Variants in ESPL1 observed in about 807,000 individuals in gnomAD.
ESPL1 encodes extra spindle pole bodies like 1, separase.
Under a neutral mutation model 217.2 loss-of-function variants are expected in ESPL1, and 50 were observed. The observed-to-expected ratio is 0.23, with a 90% confidence interval of 0.18 to 0.29. The LOEUF (loss-of-function observed/expected upper bound fraction) is 0.29. Ranked by LOEUF, ESPL1 falls within the 10% of genes least tolerant of loss-of-function variation. The pLI is 1.00. For missense variants in ESPL1, 1,834 were observed against 2,603.0 expected (o/e 0.70, Z 6.43); for synonymous variants, 994 against 1,081.3 (o/e 0.92, Z 1.58).
At position 53,290,008 on chromosome 12, in the gene ESPL1, A is replaced by G. The variant is rs1944023966; in HGVS notation, c.5114-77A>G. On this transcript the variant is annotated intron_variant, in intron 22 of 30. Transcript: ENST00000257934. ...TTCTTGATGCTGGCTTGAGTGATGG[A>G]TAGGAATTGAGTGCCCAAGACAGGG... The G allele has an allele frequency of 3.3e-6, 5 of 1,532,062 alleles. No individual in the cohort carries two copies. In the African/African-American group the frequency reaches 4.1e-5, roughly 12 times the overall value. The allele number at this position is 1,532,062 out of a possible 1,614,324, so 94.9% of individuals were successfully genotyped here.
Position 53,269,237 on chromosome 12 carries a change from C to T in ESPL1, c.295C>T (p.Arg99Ter). 1 of 1,614,170 alleles carries T rather than the reference C, an allele frequency of 6.2e-7. No individual in the cohort carries two copies. Among genetic ancestry groups the T allele is most frequent in the Non-Finnish European group, 8.5e-7 (1 of 1,180,016 alleles). Reference protein sequence around the residue: ...TPQRPPLYLERILFVLLRNAA... With the variant: ...TPQRPPLYLE ...ACAGCGTCCTCCCCTCTACCTGGAA[C>T]GAATTCTCTTTGTCTTACTGCGGAA... Residue 99 changes from arginine (R) to a stop codon, truncating the protein, a stop_gained, in exon 3 of 31, where the codon CGA becomes TGA. Coordinates refer to ENST00000257934, the MANE Select transcript of ESPL1 (RefSeq NM_012291.5). LOFTEE classifies it high-confidence loss of function. The surrounding 1 kb of genome is among the most constrained non-coding windows in gnomAD (Gnocchi z 6.7).
Position 53,292,413 on chromosome 12 carries a change from G to GA in ESPL1, c.5912+22dup. 6.4e-7 allele frequency: 1 copy of GA among 1,563,346 alleles called. No individual in the cohort carries two copies. The highest frequency in any genetic ancestry group is 1.1e-5 in the South Asian group (1 of 90,066). On this transcript the variant is annotated intron_variant, in intron 28 of 30. Coordinates refer to ENST00000257934, the MANE Select transcript of ESPL1 (RefSeq NM_012291.5). The surrounding 1 kb of genome is among the most constrained non-coding windows in gnomAD (Gnocchi z 4.5). ...CAGCAGGTCAGGGGCGCGAAGACAA[G>GA]AAGACGTGTGGGGAAGGGTAGACAA...
At position 53,276,609 on chromosome 12, in the gene ESPL1, C is replaced by A; in HGVS notation, c.1701-11C>A. 6.3e-7 allele frequency: 1 copy of A among 1,598,946 alleles called. No homozygotes were observed. Among genetic ancestry groups the A allele is most frequent in the South Asian group, 1.1e-5 (1 of 89,344 alleles). Reference sequence around the variant, plus strand: ...GGGTTCCACCCTGGTGCTGAGCATGCCCTCTCTCAGGACTCTGCGAGACAG... The same window carrying A: ...GGGTTCCACCCTGGTGCTGAGCATGACCTCTCTCAGGACTCTGCGAGACAG... On this transcript the variant is annotated splice_polypyrimidine_tract_variant and intron_variant, in intron 7 of 30. Coordinates refer to ENST00000257934, the MANE Select transcript of ESPL1 (RefSeq NM_012291.5).
chr12:53,288,670 T>C lies in ESPL1; in HGVS notation c.4679T>C (p.Leu1560Pro). Reference sequence around the variant, plus strand: ...AGTGACAAGGACCTTGGTCCTCGGCTCCGGCTCCCCTCAGCCCCCGTAGCC... The same window carrying C: ...AGTGACAAGGACCTTGGTCCTCGGCCCCGGCTCCCCTCAGCCCCCGTAGCC... ...KESDKDLGPR[L>P]RLPSAPVATG... The change falls in exon 20 of 31, where the codon CTC (leucine) becomes CCC (proline). Residue 1560 changes from leucine to proline, a missense_variant. Physicochemically the swap from Leu to Pro is moderately conservative, Grantham distance 98 (BLOSUM62 -3). Around this residue, in one of 5 missense-constraint regions of ESPL1, gnomAD observed 681 missense variants for 808.0 expected, o/e 0.84. Coordinates refer to ENST00000257934, the MANE Select transcript of ESPL1 (RefSeq NM_012291.5). The C allele has an allele frequency of 6.2e-7, 1 of 1,613,504 alleles. No homozygotes were observed. The highest frequency in any genetic ancestry group is 8.5e-7 in the Non-Finnish European group (1 of 1,179,906).
chr12:53,288,665 T>C lies in ESPL1; in HGVS notation c.4674T>C (p.Pro1558=). The C allele has an allele frequency of 6.2e-7, 1 of 1,613,598 alleles. No individual in the cohort carries two copies. The highest frequency in any genetic ancestry group is 8.5e-7 in the Non-Finnish European group (1 of 1,179,926). The change falls in exon 20 of 31, where the codon CCT becomes CCC. Residue 1558 remains proline (P), a synonymous_variant. Transcript: ENST00000257934. ...PDKESDKDLG[P]RLRLPSAPVA... ...AGGAGAGTGACAAGGACCTTGGTCCTCGGCTCCGGCTCCCCTCAGCCCCCG... is the reference window on the plus strand; with the variant it reads ...AGGAGAGTGACAAGGACCTTGGTCCCCGGCTCCGGCTCCCCTCAGCCCCCG...
chr12:53,289,185 C>T lies in ESPL1; in HGVS notation c.4804C>T (p.Arg1602Cys). ...TAGTGGGCTCTATGCCCACCTCTGC[C>T]GCTTCCTGGCCTTGTGCCTGGGCCA... ...PPSGLYAHLCRFLALCLGHRD... is the reference protein window; with the variant it reads ...PPSGLYAHLCCFLALCLGHRD... The change falls in exon 21 of 31, where the codon CGC (arginine) becomes TGC (cysteine). Residue 1602 changes from arginine (R) to cysteine (C), a missense_variant. This residue lies in a region of ESPL1 where 681 missense variants were observed against 808.0 expected (regional missense o/e 0.84). Transcript: ENST00000257934. 5.0e-6 allele frequency: 8 copies of T among 1,614,174 alleles called. No individual in the cohort carries two copies. Among genetic ancestry groups the T allele is most frequent in the African/African-American group, 2.7e-5 (2 of 75,054 alleles).
Position 53,274,842 on chromosome 12 carries a change from T to C in ESPL1, c.1532T>C (p.Val511Ala). The change falls in exon 7 of 31, where the codon GTA becomes GCA. Residue 511 changes from valine to alanine, a missense_variant. Coordinates refer to ENST00000257934, the MANE Select transcript of ESPL1 (RefSeq NM_012291.5). ...EKLHRCFRLQVESLKKLGKQA... is the reference protein window; with the variant it reads ...EKLHRCFRLQAESLKKLGKQA... ...TTGCACAGGTGCTTCCGGCTACAAG[T>C]AGAGAGTTTGAAGAAACTGGGTAAA... 1 of 1,614,032 alleles carries C rather than the reference T, an allele frequency of 6.2e-7. No homozygotes were observed. The highest frequency in any genetic ancestry group is 1.3e-5 in the African/African-American group (1 of 75,004).
At chr12:53,271,966 A>G (rs939378713) in intron 5 of ESPL1, among the ~76,000 whole-genome samples, 16 of 151,618 alleles carry the variant, frequency 1.1e-4, no homozygotes, top group Middle Eastern at 3.4e-3. Flanking sequence ...AGGCGCCTGT[A>G]CTCCCAGCTA....
At chr12:53,284,200 TG>T (rs1417085630) in intron 17 of ESPL1, 33 bp downstream of exon 17, 1 of 1,313,884 alleles carries the variant, frequency 7.6e-7, no homozygotes, top group East Asian at 2.3e-5. Context: ...CCATAGGCGG[TG>T]CTGAAATGAC....
At chr12:53,284,271 A>G (rs1943909819) in intron 17 of ESPL1, 104 bp downstream of exon 17, 2 of 769,388 alleles carry the variant, frequency 2.6e-6, no homozygotes, top group Non-Finnish European at 4.6e-6. Context: ...TTTTTGAGAC[A>G]GAGTCTCACT....
Position 53,286,936 on chromosome 12 carries a change from G to A in ESPL1, c.4176+24G>A. ...AGGTGAGGTGGGACTGTTGCTAGGT[G>A]GTGGTGATGGTGTTGGATGGGGTTA... On this transcript the variant is annotated intron_variant, in intron 18 of 30. Transcript: ENST00000257934. The surrounding 1 kb of genome is among the most constrained non-coding windows in gnomAD (Gnocchi z 5.3). The A allele has an allele frequency of 5.1e-6, 8 of 1,558,866 alleles. No individual in the cohort carries two copies. Among genetic ancestry groups the A allele is most frequent in the Non-Finnish European group, 6.9e-6 (8 of 1,153,832 alleles).
At chr12:53,279,065 A>G (rs964463727) in intron 11 of ESPL1, among the ~76,000 whole-genome samples, 2 of 152,030 alleles carry the variant, frequency 1.3e-5, no homozygotes, top group Non-Finnish European at 2.9e-5. Context: ...CTAATTTTGT[A>G]TTATTGGTAG....
Position 53,269,145 on chromosome 12 carries a change from C to G in ESPL1, c.203C>G (p.Pro68Arg). 6.2e-7 allele frequency: 1 copy of G among 1,614,216 alleles called. No individual in the cohort carries two copies. Residue 68 changes from proline (P) to arginine (R), a missense_variant, in exon 3 of 31, where the codon CCT becomes CGT. Physicochemically the swap from Pro to Arg is moderately radical, Grantham distance 103. Around this residue, in one of 5 missense-constraint regions of ESPL1, gnomAD observed 746 missense variants for 1,077.0 expected, o/e 0.69. Coordinates refer to ENST00000257934, the MANE Select transcript of ESPL1 (RefSeq NM_012291.5). The surrounding 1 kb of genome is among the most constrained non-coding windows in gnomAD (Gnocchi z 6.7). ...CAGCTGACTGCTAAGCTAGCTTGCCCTAGGCATCTGGGGAGCCTGCTGGAG... is the reference window on the plus strand; with the variant it reads ...CAGCTGACTGCTAAGCTAGCTTGCCGTAGGCATCTGGGGAGCCTGCTGGAG... ...NQQLTAKLAC[P>R]RHLGSLLELA...
intron 7 of ESPL1, 90 bp from the exon 8 acceptor site, chr12:53,276,530 C>A: frequency 7.1e-7 from 1 of 1,409,084 alleles, no homozygotes; most frequent in East Asian, 2.5e-5. Context: ...ACTGAGCAAG[C>A]CAAGGCTGGG....
Position 53,291,114 on chromosome 12 carries a change from C to T in ESPL1, c.5520+118C>T, listed in dbSNP as rs975581037. ...GCTCAGGAGCTCGAGACCAGCCTGG[C>T]CAACATGGTGAAACCCTGTCTCTAC... On this transcript the variant is annotated intron_variant, in intron 25 of 30. Transcript: ENST00000257934. The T allele has an allele frequency of 6.1e-6, 5 of 816,724 alleles. No individual in the cohort carries two copies. In the African/African-American group the frequency reaches 7.1e-5, roughly 12 times the overall value. 50.6% of individuals were successfully genotyped at this position (816,724 alleles called of 1,614,324 possible).
In ESPL1 at chr12:53,277,585, C is replaced by A. The variant is rs1943793664; in HGVS notation, c.2201C>A (p.Ala734Asp). The part of the protein sequence containing the change: ...QEDRFLYSNI[A>D]FNLAADAAQS... ...GATCGTTTCCTATACAGTAACATTG[C>A]CTTCAACCTGGCTGCAGATGCTGGT... The change falls in exon 10 of 31, where the codon GCC becomes GAC. Residue 734 changes from alanine to aspartate, a missense_variant. Around this residue, in one of 5 missense-constraint regions of ESPL1, gnomAD observed 746 missense variants for 1,077.0 expected, o/e 0.69. Transcript: ENST00000257934. 1 of 1,614,112 alleles carries A rather than the reference C, an allele frequency of 6.2e-7. No individual in the cohort carries two copies. The highest frequency in any genetic ancestry group is 8.5e-7 in the Non-Finnish European group (1 of 1,179,992).
Position 53,282,238 on chromosome 12 carries a change from C to T in ESPL1, c.2620-26C>T. The T allele has an allele frequency of 1.9e-6, 3 of 1,610,100 alleles. No individual in the cohort carries two copies. Among genetic ancestry groups the T allele is most frequent in the Non-Finnish European group, 2.5e-6 (3 of 1,176,720 alleles). On this transcript the variant is annotated intron_variant, in intron 13 of 30. Coordinates refer to ENST00000257934, the MANE Select transcript of ESPL1 (RefSeq NM_012291.5). The surrounding 1 kb of genome is among the most constrained non-coding windows in gnomAD (Gnocchi z 4.0). ...CTGGAGTGCCTGACTGCCTTACTGC[C>T]TCCTCTGGCTCCTTCTCTCCTTCAG...
Position 53,290,990 on chromosome 12 carries a change from G to A in ESPL1, c.5514G>A (p.Leu1838=). ...DCGWKYPDRT[L]LKIMLSGAGA... ...GCTGGAAATATCCTGACCGCACTCT[G>A]CTGAAAGTGAGTGAGGAAAGCAGGG... is the stretch of plus-strand genomic sequence containing the variant. Residue 1838 remains leucine (L), a synonymous_variant, in exon 25 of 31, where the codon CTG becomes CTA. Transcript: ENST00000257934. 1 of 1,585,630 alleles carries A rather than the reference G, an allele frequency of 6.3e-7. No homozygotes were observed. Among genetic ancestry groups the A allele is most frequent in the Non-Finnish European group, 8.6e-7 (1 of 1,165,988 alleles).
Position 53,288,214 on chromosome 12 carries a change from G to A in ESPL1, c.4419G>A (p.Arg1473=). The A allele has an allele frequency of 1.2e-6, 2 of 1,610,950 alleles. No homozygotes were observed. The highest frequency in any genetic ancestry group is 1.7e-6 in the Non-Finnish European group (2 of 1,179,020). The change falls in exon 19 of 31, where the codon AGG becomes AGA. Residue 1473 remains arginine (R), a synonymous_variant. Transcript: ENST00000257934. The part of the protein sequence containing the change: ...SRHCEERRPQ[R]ASDQARPGPE... Reference sequence around the variant, plus strand: ...ATTGTGAGGAGCGGCGTCCCCAGAGGGCCAGTGACCAGGCCAGGCCTGGCC... The same window carrying A: ...ATTGTGAGGAGCGGCGTCCCCAGAGAGCCAGTGACCAGGCCAGGCCTGGCC...
Sources: gnomAD v4.1 joint callset for allele counts (sites outside exome capture counted in the v4.1 genomes callset) on GRCh38, gnomAD v4.1.1 for gene constraint, gnomAD v4.1.1 regional missense constraint, Gnocchi (gnomAD v3.1) non-coding constraint, MANE v1.5 for transcripts, NCBI Gene and HGNC (gene_info 2026-07-23, HGNC 2026-07-21) for gene names.